KLC3: variants seen among roughly 807,000 people sequenced by gnomAD.
KLC3 encodes kinesin light chain 2.
Under a neutral mutation model 62.9 loss-of-function variants are expected in KLC3, and 72 were observed. The ratio of observed to expected loss-of-function variants is 1.15; its 90% CI spans 0.95 to 1.39. The LOEUF (loss-of-function observed/expected upper bound fraction) is 1.39, where lower values mean the gene tolerates loss of function less well. Ranked by LOEUF, KLC3 falls within the 40% of genes most tolerant of loss-of-function variation. KLC3 has a pLI of 0.00. For missense variants in KLC3, 848 were observed against 691.6 expected (o/e 1.23, Z -2.54); for synonymous variants, 377 against 300.5 (o/e 1.25, Z -2.63).
chr19:45,350,405 A>C lies in KLC3; in HGVS notation c.1208A>C (p.His403Pro). 1 of 1,613,154 alleles carries C rather than the reference A, an allele frequency of 6.2e-7. No individual in the cohort carries two copies. Among genetic ancestry groups the C allele is most frequent in the Non-Finnish European group, 8.5e-7 (1 of 1,179,708 alleles). The part of the protein sequence containing the change: ...QAEELYKEIL[H>P]KEDLPAPLGA... ...GAAGAGCTGTACAAAGAAATCCTCC[A>C]CAAGGAGGACCTACCCGCCCCTCTC... The change falls in exon 9 of 13, where the codon CAC becomes CCC. Residue 403 changes from histidine (H) to proline (P), a missense_variant. Physicochemically the swap from His to Pro is moderately conservative, Grantham distance 77. Transcript: ENST00000391946.
At chr19:45,348,611 G>A in intron 5 of KLC3, 35 bp from the exon 6 acceptor site, 1 of 1,550,142 alleles carries the variant, frequency 6.5e-7, no homozygotes, top group Non-Finnish European at 8.7e-7. Context: ...CCAACCCTTG[G>A]CTAACCCCCT....
rs1448922004 is a variant in KLC3 at position 45,347,486 on chromosome 19, C to T, written c.529C>T (p.Leu177=). 1 of 1,613,138 alleles carries T rather than the reference C, an allele frequency of 6.2e-7. No individual in the cohort carries two copies. The highest frequency in any genetic ancestry group is 1.1e-5 in the South Asian group (1 of 90,924). The change falls in exon 4 of 13, where the codon CTG becomes TTG. Residue 177 remains leucine, a synonymous_variant. Coordinates refer to ENST00000391946, the MANE Select transcript of KLC3 (RefSeq NM_177417.3). ...SPPRRDSLAS[L]FPSEEEERKG... ...GCCTCGCCGAGACAGCCTGGCCTCC[C>T]TGTTCCCCAGCGAGGAGGAGGAGAG...
At position 45,347,523 on chromosome 19, in the gene KLC3, G is replaced by GT. The variant is rs755848730; in HGVS notation, c.559+9dup. ...GAGGAGGAGGAGAGGAAAGGTGGGT[G>GT]TTGGGAGTACATGCCACAGAGGATG... On this transcript the variant is annotated splice_region_variant and intron_variant, in intron 4 of 12. Transcript: ENST00000391946. 1 of 1,609,284 alleles carries GT rather than the reference G, an allele frequency of 6.2e-7. No individual in the cohort carries two copies. The highest frequency in any genetic ancestry group is 8.5e-7 in the Non-Finnish European group (1 of 1,177,930).
chr19:45,351,062 AG>A, intron 12 of KLC3, 45 bp downstream of exon 12: 1 of 1,613,906 alleles, frequency 6.2e-7, no homozygotes, highest in Non-Finnish European at 8.5e-7. Context: ...CCATGTGGGT[AG>A]GTGCAGAGAT....
In KLC3 at chr19:45,346,549, G is replaced by T. The variant is rs1971494802; in HGVS notation, c.264G>T (p.Leu88=). The part of the protein sequence containing the change: ...IELGLGEAQV[L]LALSAHVGAL... The stretch of plus-strand genomic sequence containing the variant: ...GGGACCCCCACCCCGGGCAGGTGCT[G>T]CTGGCCCTGTCGGCACATGTGGGTG... Residue 88 remains leucine, a synonymous_variant, in exon 3 of 13, where the codon CTG becomes CTT. Transcript: ENST00000391946. 6.5e-7 allele frequency: 1 copy of T among 1,532,824 alleles called. No homozygotes were observed. The allele number at this position is 1,532,824 out of a possible 1,614,324, so 95.0% of individuals were successfully genotyped here. A position where few individuals can be genotyped will look rare whatever the true frequency, so the allele number is the denominator to read the frequency against.
At chr19:45,350,471 TTCTCTATGTCCCCA>T in intron 9 of KLC3, 29 bp from the exon 10 acceptor site, 1 of 1,613,006 alleles carries the variant, frequency 6.2e-7, no homozygotes. Flanking sequence ...TCCTGGTGGC[TTCTCTATGTCCCCA>T]TCTCAGTGTC....
chr19:45,350,528 G>C lies in KLC3; in HGVS notation c.1249G>C (p.Gly417Arg). Residue 417 changes from glycine (G) to arginine (R), a missense_variant, in exon 10 of 13, where the codon GGC becomes CGC. By Grantham distance (125) the Gly-to-Arg change is moderately radical (BLOSUM62 -2). Coordinates refer to ENST00000391946, the MANE Select transcript of KLC3 (RefSeq NM_177417.3). ...TTTCCCCCTAGGTGCCCCCAACACA[G>C]GCACAGCTGGTGACGCAGAACAGGT... ...LPAPLGAPNT[G>R]TAGDAEQALR... 1 of 1,613,882 alleles carries C rather than the reference G, an allele frequency of 6.2e-7. No individual in the cohort carries two copies.
rs1042315268 is a variant in KLC3, at chr19:45,345,498, C to T, written c.-8-36C>T. The T allele has an allele frequency of 1.9e-6, 3 of 1,551,608 alleles. No individual in the cohort carries two copies. In the African/African-American group the frequency reaches 4.1e-5, roughly 21 times the overall value. Reference sequence around the variant, plus strand: ...CTGGGGGCCAACTGACTGGCCCGGGCAATGATTCCCCAAACCCCTCACCAT... The same window carrying T: ...CTGGGGGCCAACTGACTGGCCCGGGTAATGATTCCCCAAACCCCTCACCAT... On this transcript the variant is annotated intron_variant, in intron 1 of 12. Coordinates refer to ENST00000391946, the MANE Select transcript of KLC3 (RefSeq NM_177417.3).
chr19:45,347,498 G>A lies in KLC3; in HGVS notation c.541G>A (p.Glu181Lys), dbSNP rs1302917549. Reference sequence around the variant, plus strand: ...CAGCCTGGCCTCCCTGTTCCCCAGCGAGGAGGAGGAGAGGAAAGGTGGGTG... The same window carrying A: ...CAGCCTGGCCTCCCTGTTCCCCAGCAAGGAGGAGGAGAGGAAAGGTGGGTG... ...RDSLASLFPSEEEERKGPEAA... is the reference protein window; with the variant it reads ...RDSLASLFPSKEEERKGPEAA... Residue 181 changes from glutamate (E) to lysine (K), a missense_variant, in exon 4 of 13, where the codon GAG (glutamate) becomes AAG (lysine). Physicochemically the swap from Glu to Lys is moderately conservative, Grantham distance 56. Coordinates refer to ENST00000391946, the MANE Select transcript of KLC3 (RefSeq NM_177417.3). 9.3e-6 allele frequency: 15 copies of A among 1,604,344 alleles called. No homozygotes were observed. Among genetic ancestry groups the A allele is most frequent in the South Asian group, 1.1e-5 (1 of 90,060 alleles).
chr19:45,343,656 A>G (rs1171011509), intron 1 of KLC3, among the ~76,000 whole-genome samples: 2 of 152,036 alleles, frequency 1.3e-5, no homozygotes, highest in Non-Finnish European at 2.9e-5. Context: ...TTCTAAGAGA[A>G]TATACCTGTG....
Position 45,348,841 on chromosome 19 carries a change from T to G in KLC3, c.889T>G (p.Leu297Val). 6.4e-7 allele frequency: 1 copy of G among 1,574,722 alleles called. No individual in the cohort carries two copies. The highest frequency in any genetic ancestry group is 8.6e-7 in the Non-Finnish European group (1 of 1,160,168). The change falls in exon 7 of 13, where the codon TTG becomes GTG. Residue 297 changes from leucine (L) to valine (V), a missense_variant. Leu to Val is a conservative substitution (Grantham distance 32). Coordinates refer to ENST00000391946, the MANE Select transcript of KLC3 (RefSeq NM_177417.3). ...GCAGGTGGCCGCCACGCTCAACAAC[T>G]TGGCTGTCCTCTATGGGAAGCGTGG... ...HPAVAATLNN[L>V]AVLYGKRGRY... is the part of the protein sequence containing the mutation.
Position 45,348,640 on chromosome 19 carries a change from C to G in KLC3, c.780-6C>G. ...ACCCCCTCCATTCCTGGGGCGCCCC[C>G]CACAGGGACCAGAACAAGTACAAAG... On this transcript the variant is annotated splice_polypyrimidine_tract_variant and splice_region_variant and intron_variant, in intron 5 of 12. Coordinates refer to ENST00000391946, the MANE Select transcript of KLC3 (RefSeq NM_177417.3). 6.4e-7 allele frequency: 1 copy of G among 1,569,280 alleles called. No homozygotes were observed. Among genetic ancestry groups the G allele is most frequent in the Non-Finnish European group, 8.6e-7 (1 of 1,157,500 alleles).
chr19:45,348,449 C>T (rs999948586), intron 5 of KLC3, among the ~76,000 whole-genome samples, 197 bp from the exon 6 acceptor site: 2 of 152,104 alleles, frequency 1.3e-5, no homozygotes, highest in African/African-American at 2.4e-5. Context: ...AGAAGCTTGG[C>T]AGAGGTCTGG....
At position 45,350,763 on chromosome 19, in the gene KLC3, G is replaced by GGC. The variant is rs1371240535; in HGVS notation, c.1379+16_1379+17insGC. On this transcript the variant is annotated intron_variant, in intron 11 of 12. Transcript: ENST00000391946. ...GAGCAGCCGGGTGAGTGTTGATCAG[G>GGC]TCGGCAAAGAGCCCTGACATCAGCA... 3.7e-6 allele frequency: 6 copies of GGC among 1,600,120 alleles called. No homozygotes were observed. The African/African-American group carries it at 8.0e-5, about 21-fold the overall frequency.
At chr19:45,349,385 C>T in intron 7 of KLC3, 44 bp from the exon 8 acceptor site, 1 of 1,554,354 alleles carries the variant, frequency 6.4e-7, no homozygotes, top group South Asian at 1.2e-5. Flanking sequence ...ACGTGTCCCA[C>T]CAATCCTGTA....
At chr19:45,341,578 T>TGCGCGCGCGCGCGCGC (rs200152688) in intron 1 of KLC3, among the ~76,000 whole-genome samples, 14 of 139,798 alleles carry the variant, frequency 1.0e-4, no homozygotes, top group Non-Finnish European at 2.0e-4. Context: ...TGTGTGTGTG[T>TGCGCGCGCGCGCGCGC]GCGCGCGCGC....
rs1971377565 is a variant in KLC3 at position 45,340,805 on chromosome 19, A to G, written c.-50A>G. 1 of 151,890 alleles carries G rather than the reference A, an allele frequency of 6.6e-6. No individual in the cohort carries two copies. The highest frequency in any genetic ancestry group is 1.5e-5 in the Non-Finnish European group (1 of 67,970). The allele number at this position is 151,890 out of a possible 1,614,324, so 9.4% of individuals were successfully genotyped here. ...GTGCCTGGCCTGCGGGACGCGACTG[A>G]TCGCAGTGGGGCGAAGCGGGGCCGG... On this transcript the variant is annotated 5_prime_UTR_variant, in exon 1 of 13. Coordinates refer to ENST00000391946, the MANE Select transcript of KLC3 (RefSeq NM_177417.3).
chr19:45,347,412 C>T (rs771891541), intron 3 of KLC3, 35 bp from the exon 4 acceptor site: 4 of 1,563,524 alleles, frequency 2.6e-6, no homozygotes, highest in South Asian at 2.3e-5. Context: ...AACAAGCCCC[C>T]ACCACCCCGG....
At chr19:45,350,810 C>A in intron 11 of KLC3, 63 bp downstream of exon 11, 2 of 1,307,338 alleles carry the variant, frequency 1.5e-6, no homozygotes, top group East Asian at 2.4e-5. Flanking sequence ...CCACCCCACC[C>A]CCACCCCCAT....
Sources: allele counts gnomAD v4.1 joint callset (sites outside exome capture counted in the v4.1 genomes callset), GRCh38; gene constraint gnomAD v4.1.1; transcripts MANE v1.5; gene names NCBI Gene and HGNC (gene_info 2026-07-23, HGNC 2026-07-21).